Variants in ATXN1 observed in about 807,000 individuals in gnomAD.
ATXN1 encodes the protein ataxin 1.
ATXN1 carries 8 observed loss-of-function variants against 56.4 expected under a neutral mutation model. The ratio of observed to expected loss-of-function variants is 0.14; its 90% CI spans 0.08 to 0.26. The LOEUF is 0.26. Ranked by LOEUF, ATXN1 falls within the 10% of genes least tolerant of loss-of-function variation. ATXN1 has a pLI of 1.00. For synonymous variants in ATXN1, 514 were observed against 494.6 expected (o/e 1.04, Z -0.52); for missense variants, 987 against 1,106.5 (o/e 0.89, Z 1.53).
intron 2 of ATXN1, among the ~76,000 whole-genome samples, chr6:16,692,112 C>T (rs543407275): frequency 2.6e-4 from 40 of 152,228 alleles, no homozygotes; most frequent in Admixed American, 8.5e-4. Flanking sequence ...AAAAATACAC[C>T]GGGCGTGGTG....
intron 2 of ATXN1, among the ~76,000 whole-genome samples, chr6:16,692,316 T>C (rs968584711): frequency 6.6e-6 from 1 of 152,218 alleles, no homozygotes; most frequent in Non-Finnish European, 1.5e-5. Flanking sequence ...TCTTTGTGCT[T>C]TTAAATTCAA....
At chr6:16,453,890 C>T (rs145448915) in intron 6 of ATXN1, among the ~76,000 whole-genome samples, 2,146 of 152,150 alleles carry the variant, frequency 0.014, 25 homozygotes, top group Non-Finnish European at 0.02. Context: ...CTTGTAATCC[C>T]AGCACTTTGG....
At position 16,337,396 on chromosome 6, in the gene ATXN1, G is replaced by A. The variant is rs368060446; in HGVS notation, c.-160-8926C>T. Among the ~76,000 whole-genome samples, 5 of 152,304 alleles carry A rather than the reference G, an allele frequency of 3.3e-5. No individual in the cohort carries two copies. The East Asian group carries it at 9.6e-4, about 29-fold the overall frequency. On this transcript the variant is annotated intron_variant, in intron 6 of 7. Transcript: ENST00000436367. ...GCCTGGATGAGGAAGGAGGAGGGGC[G>A]GGGCCACAGCTTGGCTGGGCCATCC...
intron 6 of ATXN1, among the ~76,000 whole-genome samples, chr6:16,476,899 C>T (rs1181852933): frequency 6.6e-6 from 1 of 152,172 alleles, no homozygotes; most frequent in Non-Finnish European, 1.5e-5. Context: ...TCAGTTACAC[C>T]CTAAATGTCT....
At chr6:16,461,942 G>A (rs1314294987) in intron 6 of ATXN1, among the ~76,000 whole-genome samples, 1 of 152,116 alleles carries the variant, frequency 6.6e-6, no homozygotes, top group Non-Finnish European at 1.5e-5. Flanking sequence ...TCACAAAATG[G>A]GGCTCAGTCC....
intron 6 of ATXN1, among the ~76,000 whole-genome samples, chr6:16,373,531 C>G (rs1394118829): frequency 6.6e-6 from 1 of 152,152 alleles, no homozygotes; most frequent in Non-Finnish European, 1.5e-5. Flanking sequence ...TTGGCTGTGT[C>G]CCCACCCAAG....
At chr6:16,569,661 T>C (rs2113748775) in intron 4 of ATXN1, among the ~76,000 whole-genome samples, 1 of 152,146 alleles carries the variant, frequency 6.6e-6, no homozygotes, top group South Asian at 2.1e-4. Flanking sequence ...GGAGTAAAGA[T>C]GACGTCAGGA....
At chr6:16,416,730 A>G (rs56144015) in intron 6 of ATXN1, among the ~76,000 whole-genome samples, 1 of 152,030 alleles carries the variant, frequency 6.6e-6, no homozygotes, top group African/African-American at 2.4e-5. Flanking sequence ...ATCCCATCAC[A>G]TTTTCACCGC....
Position 16,412,675 on chromosome 6 carries a change from C to G in ATXN1, c.-161+73297G>C, listed in dbSNP as rs1219404730. Among the ~76,000 whole-genome samples, 3 of 152,338 alleles carry G rather than the reference C, an allele frequency of 2.0e-5. No homozygotes were observed. The South Asian group carries it at 6.2e-4, about 32-fold the overall frequency. Reference sequence around the variant, plus strand: ...AAATCTCCTAGGATGCCCTCACCCACACCCTAAGAAATTTGAAGGGTACGC... The same window carrying G: ...AAATCTCCTAGGATGCCCTCACCCAGACCCTAAGAAATTTGAAGGGTACGC... On this transcript the variant is annotated intron_variant, in intron 6 of 7. Coordinates refer to ENST00000436367, the MANE Select transcript of ATXN1 (RefSeq NM_001128164.2).
chr6:16,470,286 T>C (rs528272006), intron 6 of ATXN1, among the ~76,000 whole-genome samples: 11 of 152,200 alleles, frequency 7.2e-5, no homozygotes, highest in African/African-American at 2.4e-4. Flanking sequence ...GTCAAAATAA[T>C]AGACAGCAAG....
intron 4 of ATXN1, among the ~76,000 whole-genome samples, chr6:16,566,529 C>T (rs1762220221): frequency 6.6e-6 from 1 of 151,970 alleles, no homozygotes; most frequent in African/African-American, 2.4e-5. Flanking sequence ...CACATCTCAC[C>T]ATGCCTGGCC....
At chr6:16,528,913 T>G (rs1013704112) in intron 4 of ATXN1, among the ~76,000 whole-genome samples, 1 of 152,156 alleles carries the variant, frequency 6.6e-6, no homozygotes, top group African/African-American at 2.4e-5. Flanking sequence ...GCACAGTGGC[T>G]CACACCTGTA....
At chr6:16,559,799 A>G (rs1279554934) in intron 4 of ATXN1, among the ~76,000 whole-genome samples, 1 of 152,186 alleles carries the variant, frequency 6.6e-6, no homozygotes, top group African/African-American at 2.4e-5. Context: ...CTGAAATATA[A>G]AAGGAGCAAA....
At chr6:16,632,356 GACTTAGAGCCTGCTAAATGAAC>G (rs1174721462) in intron 3 of ATXN1, among the ~76,000 whole-genome samples, 11 of 152,198 alleles carry the variant, frequency 7.2e-5, no homozygotes, top group Non-Finnish European at 1.3e-4. Context: ...GTGACAAGAT[GACTTAGAGCCTGCTAAATGAAC>G]ACATGAGCTA....
intron 4 of ATXN1, among the ~76,000 whole-genome samples, chr6:16,547,661 C>A (rs1012190629): frequency 6.6e-6 from 1 of 152,184 alleles, no homozygotes; most frequent in African/African-American, 2.4e-5. Flanking sequence ...CCATGCCCCT[C>A]TCCCAGCTTC....
intron 6 of ATXN1, among the ~76,000 whole-genome samples, chr6:16,455,644 C>A (rs139788614): frequency 1.8e-4 from 28 of 152,250 alleles, no homozygotes; most frequent in African/African-American, 5.5e-4. Flanking sequence ...CATTCATAAT[C>A]GTGAATGGGT....
At chr6:16,426,913 T>G (rs1246102510) in intron 6 of ATXN1, among the ~76,000 whole-genome samples, 3 of 148,476 alleles carry the variant, frequency 2.0e-5, no homozygotes, top group African/African-American at 7.4e-5. Context: ...AGGATCGAGA[T>G]TAAAGTGGCC....
chr6:16,640,655 C>T (rs980949754), intron 3 of ATXN1, among the ~76,000 whole-genome samples: 5 of 151,132 alleles, frequency 3.3e-5, no homozygotes, highest in African/African-American at 1.2e-4. Context: ...TGCACTCAAG[C>T]CTGGGTGACA....
chr6:16,385,989 C>T (rs139651031), intron 6 of ATXN1, among the ~76,000 whole-genome samples: 93 of 152,336 alleles, frequency 6.1e-4, no homozygotes, highest in Middle Eastern at 3.4e-3. Context: ...TCTCTGTCCT[C>T]TCCTTCACCC....
Sources: gnomAD v4.1 joint callset for allele counts (sites outside exome capture counted in the v4.1 genomes callset) on GRCh38, gnomAD v4.1.1 for gene constraint, MANE v1.5 for transcripts, NCBI Gene and HGNC (gene_info 2026-07-23, HGNC 2026-07-21) for gene names.